The following RANBP2 variants were observed in gnomAD, a reference collection of about 807,000 sequenced individuals.
The protein encoded by RANBP2 is RAN binding protein 2.
A neutral mutation model predicts 303.6 loss-of-function variants in RANBP2; 57 were observed. That is an observed-to-expected ratio of 0.19 (90% CI 0.15 to 0.23). The LOEUF (loss-of-function observed/expected upper bound fraction) is 0.23, where lower values mean the gene tolerates loss of function less well. RANBP2 is among the 10% of genes least tolerant of loss of function. The pLI is 1.00. For missense variants in RANBP2, 3,138 were observed against 3,780.8 expected (o/e 0.83, Z 4.46); for synonymous variants, 1,167 against 1,301.5 (o/e 0.90, Z 2.23).
the RANBP2 span, among the ~76,000 whole-genome samples, chr2:109,196,826 A>G: frequency 1.3e-5 from 2 of 152,198 alleles, no homozygotes; most frequent in African/African-American, 4.8e-5. Flanking sequence ...TCTTTGGGGC[A>G]CAACTCACAG....
the RANBP2 span, among the ~76,000 whole-genome samples, chr2:109,182,019 C>CA: frequency 6.6e-6 from 1 of 151,964 alleles, no homozygotes; most frequent in African/African-American, 2.4e-5. Context: ...TTTTGAACTT[C>CA]AAAAAAATTA....
At chr2:108,911,697 C>G in the RANBP2 span, among the ~76,000 whole-genome samples, 2 of 152,300 alleles carry the variant, frequency 1.3e-5, 1 homozygote, top group South Asian at 4.1e-4. Context: ...AGCTCATTCT[C>G]ATTCTCTAAA....
the RANBP2 span, among the ~76,000 whole-genome samples, chr2:108,811,159 C>A: frequency 1.3e-5 from 2 of 150,102 alleles, no homozygotes; most frequent in East Asian, 3.9e-4. Flanking sequence ...GCCTTCCCTA[C>A]CCCCCTAACC....
intron 1 of RANBP2, 100 bp from the exon 2 acceptor site, chr2:108,729,032 C>T (rs931816026): frequency 1.2e-5 from 16 of 1,343,940 alleles, no homozygotes; most frequent in Admixed American, 7.2e-5. Context: ...ATGAAAGTGG[C>T]GTATTTGAAC....
chr2:108,764,852 G>C lies in RANBP2; in HGVS notation c.4313G>C (p.Cys1438Ser). 6.2e-7 allele frequency: 1 copy of C among 1,614,020 alleles called. No homozygotes were observed. Among genetic ancestry groups the C allele is most frequent in the Non-Finnish European group, 8.5e-7 (1 of 1,179,928 alleles). Residue 1438 changes from cysteine to serine, a missense_variant, in exon 20 of 29, where the codon TGT becomes TCT. By Grantham distance (112) the Cys-to-Ser change is moderately radical. Transcript: ENST00000283195. The part of the protein sequence containing the change: ...NEPTVSRCIA[C>S]QNTKSANKSG... ...CCTACTGTATCTAGGTGCATTGCGTGTCAGAATACAAAATCTGCTAACAAA... is the reference window on the plus strand; with the variant it reads ...CCTACTGTATCTAGGTGCATTGCGTCTCAGAATACAAAATCTGCTAACAAA...
At chr2:108,896,503 T>TA in the RANBP2 span, 77 of 178,360 alleles carry the variant, frequency 4.3e-4, no homozygotes, top group African/African-American at 1.6e-3. Context: ...TTTGTAAACA[T>TA]ACGTTCCTTC....
At chr2:109,594,269 G>C in the RANBP2 span, among the ~76,000 whole-genome samples, 1 of 118,060 alleles carries the variant, frequency 8.5e-6, no homozygotes, top group Admixed American at 9.1e-5. Context: ...ATATGAATGT[G>C]GTAAAAAAAA....
chr2:109,461,888 C>A, the RANBP2 span, among the ~76,000 whole-genome samples: 1 of 152,070 alleles, frequency 6.6e-6, no homozygotes, highest in South Asian at 2.1e-4. Context: ...ATTAATACAC[C>A]CATCTGAGGA....
At chr2:109,420,549 A>G in the RANBP2 span, among the ~76,000 whole-genome samples, 7,222 of 152,018 alleles carry the variant, frequency 0.048, 482 homozygotes, top group African/African-American at 0.15. Context: ...AGGTTCACGC[A>G]ATTCTCCTGC....
chr2:109,213,392 C>T, the RANBP2 span, among the ~76,000 whole-genome samples: 1 of 152,180 alleles, frequency 6.6e-6, no homozygotes. Flanking sequence ...GACCAGGGCT[C>T]CTCAAACCTC....
chr2:109,267,457 T>C, the RANBP2 span, among the ~76,000 whole-genome samples: 1 of 152,226 alleles, frequency 6.6e-6, no homozygotes, highest in Non-Finnish European at 1.5e-5. Flanking sequence ...GCTCCCGGGC[T>C]GCTTTTCATA....
chr2:108,904,198 TG>T, the RANBP2 span, among the ~76,000 whole-genome samples: 1 of 151,852 alleles, frequency 6.6e-6, no homozygotes, highest in African/African-American at 2.4e-5. Context: ...GACACACAGA[TG>T]AAAAAAACAC....
At chr2:109,599,666 A>G in the RANBP2 span, among the ~76,000 whole-genome samples, 51 of 152,138 alleles carry the variant, frequency 3.4e-4, no homozygotes, top group Non-Finnish European at 6.3e-4. Flanking sequence ...GTTAAAGGAT[A>G]ACTGCAAATT....
the RANBP2 span, chr2:109,552,680 G>T: frequency 5.6e-6 from 1 of 179,306 alleles, no homozygotes. Context: ...AAAACATCCA[G>T]TCGTGTTTCT....
the RANBP2 span, among the ~76,000 whole-genome samples, chr2:109,218,451 C>G: frequency 6.6e-6 from 1 of 152,196 alleles, no homozygotes; most frequent in Non-Finnish European, 1.5e-5. Flanking sequence ...TCAGTTTCCA[C>G]TTCCTTTCTG....
chr2:108,912,889 G>A, the RANBP2 span: 1 of 767,326 alleles, frequency 1.3e-6, no homozygotes, highest in Admixed American at 2.0e-5. Context: ...GCTGAGGGGA[G>A]CTAAATATTT....
the RANBP2 span, among the ~76,000 whole-genome samples, chr2:108,928,313 T>C: frequency 6.6e-6 from 1 of 152,080 alleles, no homozygotes; most frequent in South Asian, 2.1e-4. Context: ...CCTCCACAAA[T>C]CTCCCAAGAC....
chr2:109,432,371 A>T, the RANBP2 span: 1 of 1,165,158 alleles, frequency 8.6e-7, no homozygotes, highest in Non-Finnish European at 1.2e-6. Context: ...TAAACTGCAG[A>T]GCCCCCATAG....
At chr2:108,739,483 G>A (rs1452989667) in intron 6 of RANBP2, among the ~76,000 whole-genome samples, 5 of 152,086 alleles carry the variant, frequency 3.3e-5, no homozygotes, top group African/African-American at 1.2e-4. Flanking sequence ...TGGTATTATC[G>A]TAAAAGTAAT....
Sources: allele counts gnomAD v4.1 joint callset (sites outside exome capture counted in the v4.1 genomes callset), GRCh38; gene constraint gnomAD v4.1.1; transcripts MANE v1.5; gene names NCBI Gene and HGNC (gene_info 2026-07-23, HGNC 2026-07-21).